Variants in DPP10 observed in about 807,000 individuals in gnomAD.
DPP10 encodes the protein dipeptidyl peptidase like 10.
A neutral mutation model predicts 120.9 loss-of-function variants in DPP10; 33 were observed. That is an observed-to-expected ratio of 0.27 (90% confidence interval 0.21 to 0.37). The LOEUF is 0.37. Among genes scored for constraint, DPP10 ranks in the 10% least tolerant of loss-of-function variants. The pLI is 1.00. For synonymous variants in DPP10, 337 were observed against 326.1 expected (o/e 1.03, Z -0.36); for missense variants, 816 against 942.8 (o/e 0.87, Z 1.76).
chr2:115,658,823 G>A (rs923855135), intron 5 of DPP10, among the ~76,000 whole-genome samples: 3 of 151,898 alleles, frequency 2.0e-5, no homozygotes, highest in Non-Finnish European at 4.4e-5. Flanking sequence ...CTAAATGAAG[G>A]GTCCTGGGAA....
At chr2:114,589,657 A>G (rs1171882617) in intron 1 of DPP10, among the ~76,000 whole-genome samples, 2 of 152,214 alleles carry the variant, frequency 1.3e-5, no homozygotes, top group Non-Finnish European at 1.5e-5. Context: ...ATACCAAGAT[A>G]ATACATTGAA....
intron 1 of DPP10, among the ~76,000 whole-genome samples, chr2:115,269,768 A>C (rs2059611686): frequency 6.6e-6 from 1 of 152,222 alleles, no homozygotes; most frequent in African/African-American, 2.4e-5. Flanking sequence ...CAGAAAGTCT[A>C]GCCCACATTC....
At chr2:115,009,597 A>G (rs185870294) in intron 1 of DPP10, among the ~76,000 whole-genome samples, 1,610 of 152,008 alleles carry the variant, frequency 0.011, 18 homozygotes, top group African/African-American at 0.037. Flanking sequence ...AAAAAAAAAA[A>G]AAGAAAAGAC....
At chr2:115,750,748 C>A (rs936813814) in intron 10 of DPP10, among the ~76,000 whole-genome samples, 7 of 152,190 alleles carry the variant, frequency 4.6e-5, no homozygotes, top group East Asian at 1.9e-4. Context: ...GCTTTTCATT[C>A]TTTTCCAAAG....
chr2:115,171,358 C>CAAAAAAAAAAA (rs752738778), intron 1 of DPP10, among the ~76,000 whole-genome samples: 2 of 114,382 alleles, frequency 1.7e-5, no homozygotes, highest in African/African-American at 3.2e-5. Context: ...GAGACTCCAT[C>CAAAAAAAAAAA]AAAAAAAAAA....
chr2:115,599,286 T>G (rs1216514004), intron 5 of DPP10, among the ~76,000 whole-genome samples: 1 of 152,140 alleles, frequency 6.6e-6, no homozygotes, highest in Non-Finnish European at 1.5e-5. Context: ...TCTCTCCCCT[T>G]CTGGGACTCA....
chr2:115,338,898 CATT>C (rs1400923006), intron 2 of DPP10, among the ~76,000 whole-genome samples: 1 of 151,980 alleles, frequency 6.6e-6, no homozygotes, highest in Non-Finnish European at 1.5e-5. Context: ...ATAGGTGAAA[CATT>C]GTTAGACTTG....
intron 1 of DPP10, among the ~76,000 whole-genome samples, chr2:114,805,868 C>A (rs948411003): frequency 2.0e-5 from 3 of 148,612 alleles, no homozygotes; most frequent in South Asian, 2.1e-4. Flanking sequence ...ATCATATGAC[C>A]CCACTTAGGG....
chr2:115,209,085 A>G (rs761606445), intron 1 of DPP10, among the ~76,000 whole-genome samples: 1 of 152,114 alleles, frequency 6.6e-6, no homozygotes, highest in Non-Finnish European at 1.5e-5. Flanking sequence ...GCTCTGAAGC[A>G]TTTATTTTTT....
At chr2:114,691,335 G>A (rs72826531) in intron 1 of DPP10, among the ~76,000 whole-genome samples, 1,705 of 152,160 alleles carry the variant, frequency 0.011, 10 homozygotes, top group Middle Eastern at 0.027. Context: ...TGTGGTTTTT[G>A]TCTATAGTTC....
At chr2:115,108,298 T>A (rs1355263248) in intron 1 of DPP10, among the ~76,000 whole-genome samples, 1 of 152,180 alleles carries the variant, frequency 6.6e-6, no homozygotes, top group Non-Finnish European at 1.5e-5. Context: ...AGAGGTTTGG[T>A]AGGTAATATA....
intron 3 of DPP10, among the ~76,000 whole-genome samples, chr2:115,463,633 A>T (rs1156510550): frequency 6.6e-6 from 1 of 152,122 alleles, no homozygotes; most frequent in Admixed American, 6.6e-5. Flanking sequence ...TCCTTATGTG[A>T]TGAGTATTGG....
chr2:115,512,509 T>C (rs2077288232), intron 4 of DPP10, among the ~76,000 whole-genome samples: 1 of 152,004 alleles, frequency 6.6e-6, no homozygotes, highest in African/African-American at 2.4e-5. Context: ...CTCTATTTCG[T>C]TCCTAATATA....
intron 7 of DPP10, among the ~76,000 whole-genome samples, chr2:115,693,016 A>C (rs2091400401): frequency 6.6e-6 from 1 of 152,178 alleles, no homozygotes; most frequent in Admixed American, 6.6e-5. Context: ...TCCTTTCCAC[A>C]CTAAATGGTT....
At chr2:115,719,656 A>C (rs959788674) in intron 7 of DPP10, among the ~76,000 whole-genome samples, 1 of 152,212 alleles carries the variant, frequency 6.6e-6, no homozygotes, top group Admixed American at 6.5e-5. Flanking sequence ...TATAAAAAGT[A>C]AAGTTGAATG....
chr2:115,319,525 T>C (rs2061958170), intron 2 of DPP10, among the ~76,000 whole-genome samples: 1 of 152,192 alleles, frequency 6.6e-6, no homozygotes, highest in Non-Finnish European at 1.5e-5. Flanking sequence ...AGCCTTTCTA[T>C]TGTTAGGAAG....
chr2:115,831,091 G>A lies in DPP10; in HGVS notation c.1951-5066G>A, dbSNP rs868031700. 3.3e-5 allele frequency among the ~76,000 whole-genome samples: 5 copies of A among 152,096 alleles called. No homozygotes were observed. The East Asian group carries it at 5.8e-4, about 18-fold the overall frequency. ...TAAAATGTGAGTGATTATGTTAAGC[G>A]AATTAATAGTTTTAATGCAAAATAA... On this transcript the variant is annotated intron_variant, in intron 21 of 25. Transcript: ENST00000410059.
intron 24 of DPP10, 105 bp from the exon 25 acceptor site, chr2:115,840,645 G>A: frequency 8.5e-7 from 1 of 1,172,368 alleles, no homozygotes; most frequent in East Asian, 2.5e-5. Context: ...TTTTAAATGT[G>A]CAATGTATGT....
chr2:114,622,880 A>C (rs1287972454), intron 1 of DPP10, among the ~76,000 whole-genome samples: 6 of 152,084 alleles, frequency 3.9e-5, no homozygotes, highest in African/African-American at 1.2e-4. Context: ...GCATAAATTA[A>C]CTTTTTATTT....
Sources: allele counts gnomAD v4.1 joint callset (sites outside exome capture counted in the v4.1 genomes callset), GRCh38; gene constraint gnomAD v4.1.1; transcripts MANE v1.5; gene names NCBI Gene and HGNC (gene_info 2026-07-23, HGNC 2026-07-21).